Variants in CPA6 observed in about 807,000 individuals in gnomAD.
The protein encoded by CPA6 is carboxypeptidase A6.
CPA6 carries 58 observed loss-of-function variants against 63.3 expected under a neutral mutation model. The ratio of observed to expected loss-of-function variants is 0.92; its 90% CI spans 0.74 to 1.14. The LOEUF (loss-of-function observed/expected upper bound fraction) is 1.14. Among genes scored for constraint, CPA6 ranks in the 50% most tolerant of loss-of-function variants. The probability of loss-of-function intolerance (pLI) is 0.00; values close to 1 mark genes in which losing one functional copy is unlikely to be tolerated. For missense variants in CPA6, 565 were observed against 526.6 expected (o/e 1.07, Z -0.71); for synonymous variants, 185 against 179.0 (o/e 1.03, Z -0.27).
intron 1 of CPA6, among the ~76,000 whole-genome samples, chr8:67,716,187 G>C (rs1480468949): frequency 6.9e-6 from 1 of 145,934 alleles, no homozygotes; most frequent in Non-Finnish European, 1.5e-5. Flanking sequence ...AGGAGAGAGA[G>C]AAGTGTCAGA....
intron 1 of CPA6, among the ~76,000 whole-genome samples, chr8:67,625,797 C>A (rs974552921): frequency 1.3e-5 from 2 of 152,110 alleles, no homozygotes; most frequent in African/African-American, 4.8e-5. Context: ...CTTGTCTCTC[C>A]AACCCCAAAG....
intron 1 of CPA6, among the ~76,000 whole-genome samples, chr8:67,699,235 T>C (rs1480528952): frequency 6.6e-6 from 1 of 152,088 alleles, no homozygotes; most frequent in Non-Finnish European, 1.5e-5. Flanking sequence ...CTGGGCAATG[T>C]GGCGAAGTCA....
chr8:67,490,420 G>A (rs1811578551), intron 6 of CPA6, among the ~76,000 whole-genome samples: 1 of 152,158 alleles, frequency 6.6e-6, no homozygotes, highest in Non-Finnish European at 1.5e-5. Context: ...GAAGACTTAA[G>A]TAGTCGGGAT....
Position 67,465,560 on chromosome 8 carries a change from C to G in CPA6, c.838+18208G>C, listed in dbSNP as rs1810906488. Among the ~76,000 whole-genome samples, 3 of 152,218 alleles carry G rather than the reference C, an allele frequency of 2.0e-5. 1 individual carries two copies. In the South Asian group the frequency reaches 6.2e-4, roughly 32 times the overall value. On this transcript the variant is annotated intron_variant, in intron 8 of 10. Coordinates refer to ENST00000297770, the MANE Select transcript of CPA6 (RefSeq NM_020361.5). ...GAATAGGAGTGGTGAGATGGGCATT[C>G]CTGTTTTGTTCCAGTTCACAAGGGG...
At chr8:67,698,349 T>A (rs1816951039) in intron 1 of CPA6, among the ~76,000 whole-genome samples, 1 of 152,194 alleles carries the variant, frequency 6.6e-6, no homozygotes, top group Non-Finnish European at 1.5e-5. Context: ...TTTAAACAAC[T>A]CCTGGTGATT....
chr8:67,542,304 T>G (rs1252577774), intron 2 of CPA6, among the ~76,000 whole-genome samples: 2 of 152,220 alleles, frequency 1.3e-5, no homozygotes, highest in Admixed American at 6.5e-5. Context: ...TTTACAACAG[T>G]TTTGAAGACA....
intron 1 of CPA6, among the ~76,000 whole-genome samples, chr8:67,733,150 TC>T (rs1234941481): frequency 4.0e-5 from 5 of 126,040 alleles, no homozygotes; most frequent in Non-Finnish European, 7.8e-5. Context: ...GAGCCGAGAT[TC>T]GCACCACTGC....
At chr8:67,481,691 G>A (rs895144559) in intron 8 of CPA6, among the ~76,000 whole-genome samples, 1 of 152,188 alleles carries the variant, frequency 6.6e-6, no homozygotes, top group Non-Finnish European at 1.5e-5. Context: ...TGCTATGGAT[G>A]TTTATTTGGA....
chr8:67,654,516 C>G (rs1815935910), intron 1 of CPA6, among the ~76,000 whole-genome samples: 1 of 152,076 alleles, frequency 6.6e-6, no homozygotes, highest in Non-Finnish European at 1.5e-5. Flanking sequence ...TCTAGATTTT[C>G]TAGTTTATTT....
intron 1 of CPA6, among the ~76,000 whole-genome samples, chr8:67,734,966 T>C (rs2553671): frequency 1.3e-5 from 2 of 152,108 alleles, no homozygotes; most frequent in African/African-American, 2.4e-5. Flanking sequence ...TTCCAGCTTC[T>C]GTAAGTGCAA....
At chr8:67,482,513 TG>T (rs1302542999) in intron 8 of CPA6, among the ~76,000 whole-genome samples, 2 of 152,166 alleles carry the variant, frequency 1.3e-5, no homozygotes, top group African/African-American at 2.4e-5. Context: ...TAAATGCAAG[TG>T]CTTTTAAGTA....
At chr8:67,449,892 T>C (rs1416523056) in intron 8 of CPA6, among the ~76,000 whole-genome samples, 1 of 146,506 alleles carries the variant, frequency 6.8e-6, no homozygotes, top group Non-Finnish European at 1.5e-5. Context: ...CTGAGCTCAC[T>C]GCAACCTCCA....
At chr8:67,543,585 C>G (rs1046280405) in intron 2 of CPA6, among the ~76,000 whole-genome samples, 1 of 152,186 alleles carries the variant, frequency 6.6e-6, no homozygotes, top group Admixed American at 6.5e-5. Context: ...CCGTTAAGGG[C>G]CTGGGGGTTT....
At chr8:67,566,090 T>C (rs1342874948) in intron 2 of CPA6, among the ~76,000 whole-genome samples, 1 of 152,178 alleles carries the variant, frequency 6.6e-6, no homozygotes, top group Non-Finnish European at 1.5e-5. Context: ...CACCTCTGGA[T>C]AAATAGCTCA....
At chr8:67,724,842 C>T (rs551190749) in intron 1 of CPA6, among the ~76,000 whole-genome samples, 96 of 152,350 alleles carry the variant, frequency 6.3e-4, no homozygotes, top group South Asian at 1.9e-3. Context: ...CCAACAAATT[C>T]CTCATCATTC....
rs1814688913 is a variant in CPA6, at chr8:67,607,251, T to TTCTCCTCCTC, written c.192+16924_192+16925insGAGGAGGAGA. On this transcript the variant is annotated intron_variant, in intron 2 of 10. Coordinates refer to ENST00000297770, the MANE Select transcript of CPA6 (RefSeq NM_020361.5). ...TTCTTCTTCTTCTTCTTCTTCTTCT[T>TTCTCCTCCTC]CTCCTCCTCCTCCTTTCTTCTTTCT... is the stretch of plus-strand genomic sequence containing the variant. 2.8e-4 allele frequency among the ~76,000 whole-genome samples: 23 copies of TTCTCCTCCTC among 81,154 alleles called. 2 individuals are homozygous for TTCTCCTCCTC. The highest frequency in any genetic ancestry group is 1.4e-3 in the African/African-American group (21 of 15,366). 53.2% of individuals were successfully genotyped at this position (81,154 alleles called of 152,430 possible). A position where few individuals can be genotyped will look rare whatever the true frequency, so the allele number is the denominator to read the frequency against.
At chr8:67,642,793 TCACACACACACACA>T (rs61054637) in intron 1 of CPA6, among the ~76,000 whole-genome samples, 1 of 145,072 alleles carries the variant, frequency 6.9e-6, no homozygotes, top group Non-Finnish European at 1.5e-5. Flanking sequence ...GGCCTTTATC[TCACACACACACACA>T]CACACACACA....
At chr8:67,567,411 C>G (rs1192780049) in intron 2 of CPA6, among the ~76,000 whole-genome samples, 2 of 152,186 alleles carry the variant, frequency 1.3e-5, no homozygotes, top group Non-Finnish European at 2.9e-5. Context: ...TCTTATATGG[C>G]AATCATTGAC....
intron 6 of CPA6, among the ~76,000 whole-genome samples, chr8:67,498,522 C>T (rs1281641957): frequency 1.3e-4 from 16 of 120,328 alleles, no homozygotes; most frequent in African/African-American, 3.9e-4. Flanking sequence ...GGTGACAGAG[C>T]GAGACTCCAT....
Sources: allele counts gnomAD v4.1 joint callset (sites outside exome capture counted in the v4.1 genomes callset), GRCh38; gene constraint gnomAD v4.1.1; transcripts MANE v1.5; gene names NCBI Gene and HGNC (gene_info 2026-07-23, HGNC 2026-07-21).